The following TRIM5 variants were observed in gnomAD, a reference collection of about 807,000 sequenced individuals.
The protein encoded by TRIM5 is tripartite motif containing 5.
A neutral mutation model predicts 35.6 loss-of-function variants in TRIM5; 31 were observed. That is an observed-to-expected ratio of 0.87 (90% CI 0.65 to 1.18). The LOEUF (loss-of-function observed/expected upper bound fraction) is 1.18, where lower values mean the gene tolerates loss of function less well. TRIM5 is among the 50% of genes most tolerant of loss of function. The probability of loss-of-function intolerance (pLI) is 0.00; values close to 1 mark genes in which losing one functional copy is unlikely to be tolerated. For synonymous variants in TRIM5, 243 were observed against 215.6 expected (o/e 1.13, Z -1.11); for missense variants, 609 against 591.6 (o/e 1.03, Z -0.31).
At chr11:5,645,789 C>A in the TRIM5 span, 1 of 223,894 alleles carries the variant, frequency 4.5e-6, no homozygotes, top group South Asian at 1.6e-4. Context: ...TGGATACATT[C>A]CCACCTGTTC....
At chr11:5,639,679 CAA>C in the TRIM5 span, among the ~76,000 whole-genome samples, 109 of 51,130 alleles carry the variant, frequency 2.1e-3, no homozygotes, top group African/African-American at 8.5e-3. Context: ...GACTCTATTT[CAA>C]AAAAAAAAAA....
the TRIM5 span, among the ~76,000 whole-genome samples, chr11:5,621,760 C>T: frequency 6.6e-6 from 1 of 152,198 alleles, no homozygotes; most frequent in African/African-American, 2.4e-5. Context: ...TGATTGACTC[C>T]TTTGAAAAGG....
the TRIM5 span, chr11:5,596,268 G>A: frequency 6.5e-6 from 1 of 153,260 alleles, no homozygotes; most frequent in East Asian, 1.9e-4. Context: ...CGGGTTGGGG[G>A]TGGTTCACGG....
chr11:5,648,595 T>A, the TRIM5 span, among the ~76,000 whole-genome samples: 1 of 152,128 alleles, frequency 6.6e-6, no homozygotes, highest in South Asian at 2.1e-4. Context: ...CCTGAGGTGC[T>A]GAGAATGGAG....
chr11:5,615,581 T>C, the TRIM5 span, among the ~76,000 whole-genome samples: 1 of 101,744 alleles, frequency 9.8e-6, no homozygotes, highest in Non-Finnish European at 2.2e-5. Flanking sequence ...TTTTTTGTTT[T>C]TTTTTTGTTG....
At chr11:5,629,673 G>A in the TRIM5 span, among the ~76,000 whole-genome samples, 218 of 152,282 alleles carry the variant, frequency 1.4e-3, no homozygotes, top group African/African-American at 5.1e-3. Flanking sequence ...ATGCAGACAG[G>A]GCCGCTTCAG....
the TRIM5 span, among the ~76,000 whole-genome samples, chr11:5,635,508 G>A: frequency 5.9e-5 from 9 of 151,958 alleles, no homozygotes; most frequent in East Asian, 1.2e-3. Flanking sequence ...CGCCTGCCTC[G>A]GCCTTCCAAA....
At chr11:5,662,300 G>C (rs1850855826), downstream of TRIM5, among the ~76,000 whole-genome samples, 1 of 152,154 alleles carries the variant, frequency 6.6e-6, no homozygotes, top group Non-Finnish European at 1.5e-5. Flanking sequence ...TCAAAACTTG[G>C]GAAAGAGTTG....
Position 5,680,004 on chromosome 11 carries a change from G to A in TRIM5, c.174C>T (p.Cys58=), listed in dbSNP as rs1590276813. The A allele has an allele frequency of 6.2e-7, 1 of 1,614,050 alleles. No homozygotes were observed. Among genetic ancestry groups the A allele is most frequent in the Non-Finnish European group, 8.5e-7 (1 of 1,179,980 alleles). ...TGTTCTCAGGCTGGTAACTGATCCG[G>A]CACACAGGGCAGCTACTCTCTCCTT... is the stretch of plus-strand genomic sequence containing the variant. ...LDKGESSCPV[C]RISYQPENIR... The change falls in exon 2 of 8, where the codon TGC becomes TGT. Residue 58 remains cysteine, a synonymous_variant. Coordinates refer to ENST00000380034, the MANE Select transcript of TRIM5 (RefSeq NM_033034.3).
At chr11:5,599,102 T>C in the TRIM5 span, among the ~76,000 whole-genome samples, 1 of 152,200 alleles carries the variant, frequency 6.6e-6, no homozygotes, top group Non-Finnish European at 1.5e-5. Flanking sequence ...CTTTGCATGC[T>C]TTTGAGATTT....
At chr11:5,596,377 TAA>T in the TRIM5 span, among the ~76,000 whole-genome samples, 1 of 152,190 alleles carries the variant, frequency 6.6e-6, no homozygotes, top group Non-Finnish European at 1.5e-5. Context: ...ATAGGCCGTG[TAA>T]AGAGAGTTAA....
chr11:5,680,769 C>A (rs1293715223), intron 1 of TRIM5, among the ~76,000 whole-genome samples: 1 of 152,186 alleles, frequency 6.6e-6, no homozygotes, highest in African/African-American at 2.4e-5. Flanking sequence ...ATGCACTGTA[C>A]GTTTGCAATG....
At chr11:5,668,531 C>T (rs969047285) in intron 4 of TRIM5, among the ~76,000 whole-genome samples, 3 of 151,932 alleles carry the variant, frequency 2.0e-5, no homozygotes, top group Admixed American at 6.6e-5. Context: ...GTCACTGCAA[C>T]CTCCGCCTCC....
At chr11:5,652,943 C>T in the TRIM5 span, among the ~76,000 whole-genome samples, 1 of 151,600 alleles carries the variant, frequency 6.6e-6, no homozygotes, top group African/African-American at 2.4e-5. Context: ...GCTCCAGCCT[C>T]CTGGGTTCAT....
intron 4 of TRIM5, among the ~76,000 whole-genome samples, chr11:5,669,289 G>A (rs975220902): frequency 1.2e-4 from 18 of 151,168 alleles, no homozygotes; most frequent in Admixed American, 5.3e-4. Flanking sequence ...CATGTTGGTC[G>A]GGCTGGTCTT....
chr11:5,602,214 G>A, the TRIM5 span, among the ~76,000 whole-genome samples: 1 of 152,142 alleles, frequency 6.6e-6, no homozygotes, highest in South Asian at 2.1e-4. Context: ...GCCAAGGCGG[G>A]CGGATCATGA....
chr11:5,668,456 TTC>T (rs995377731), intron 4 of TRIM5, among the ~76,000 whole-genome samples: 22 of 152,210 alleles, frequency 1.4e-4, no homozygotes, highest in African/African-American at 5.3e-4. Context: ...ATATTTTTCT[TTC>T]TTTCTTTTTT....
the TRIM5 span, among the ~76,000 whole-genome samples, chr11:5,599,383 ATATT>A: frequency 0.31 from 45,449 of 146,768 alleles, 7,291 homozygotes; most frequent in South Asian, 0.37. Flanking sequence ...TACAATTATT[ATATT>A]TATTTATTTA....
chr11:5,670,954 T>C (rs1851542088), intron 4 of TRIM5, among the ~76,000 whole-genome samples: 2 of 152,146 alleles, frequency 1.3e-5, no homozygotes, highest in African/African-American at 4.8e-5. Context: ...AACAAAAATG[T>C]ATGTTTTGGC....
Sources: gnomAD v4.1 joint callset for allele counts (sites outside exome capture counted in the v4.1 genomes callset) on GRCh38, gnomAD v4.1.1 for gene constraint, MANE v1.5 for transcripts, NCBI Gene and HGNC (gene_info 2026-07-23, HGNC 2026-07-21) for gene names.